Variants in CDC123 observed in about 807,000 individuals in gnomAD.
CDC123 encodes the protein translation initiation factor eIF2 assembly protein.
Under a neutral mutation model 54.4 loss-of-function variants are expected in CDC123, and 37 were observed. The ratio of observed to expected loss-of-function variants is 0.68; its 90% CI spans 0.52 to 0.89. The LOEUF (loss-of-function observed/expected upper bound fraction) is 0.89, where lower values mean the gene tolerates loss of function less well. Among genes scored for constraint, CDC123 ranks in the 40% least tolerant of loss-of-function variants. The pLI is 0.00. For missense variants in CDC123, 361 were observed against 412.1 expected (o/e 0.88, Z 1.07); for synonymous variants, 144 against 136.8 (o/e 1.05, Z -0.37).
chr10:12,220,297 G>A (rs1185220530), intron 6 of CDC123, among the ~76,000 whole-genome samples: 1 of 152,116 alleles, frequency 6.6e-6, no homozygotes, highest in African/African-American at 2.4e-5. Flanking sequence ...GCTACGTCTT[G>A]CTTTTTATCT....
intron 8 of CDC123, 93 bp downstream of exon 8, chr10:12,235,216 C>A: frequency 9.8e-7 from 1 of 1,021,272 alleles, no homozygotes; most frequent in Non-Finnish European, 1.5e-6. Flanking sequence ...GTAATTAGGA[C>A]AGGGATGTCA....
intron 6 of CDC123, among the ~76,000 whole-genome samples, chr10:12,228,415 T>C (rs986008943): frequency 1.3e-5 from 2 of 151,860 alleles, no homozygotes; most frequent in African/African-American, 4.8e-5. Context: ...TTTAGTTTTT[T>C]TTTTTTTTGA....
chr10:12,234,604 A>G (rs537391560), intron 7 of CDC123, among the ~76,000 whole-genome samples: 1 of 151,974 alleles, frequency 6.6e-6, no homozygotes, highest in African/African-American at 2.4e-5. Context: ...TTGTGACTAC[A>G]TTCTTGGTGG....
rs578008488 is a variant in CDC123 at position 12,250,000 on chromosome 10, G to C, written c.984+282G>C. The C allele has an allele frequency of 6.9e-4, 336 of 488,136 alleles. 1 individual carries two copies. Among genetic ancestry groups the C allele is most frequent in the Non-Finnish European group, 1.0e-3 (282 of 280,696 alleles). The allele number at this position is 488,136 out of a possible 1,614,324, so 30.2% of individuals were successfully genotyped here. The stretch of plus-strand genomic sequence containing the variant: ...AAGAAAGTGTGTATATTGTTAGAAG[G>C]CTGTAAGGAGAGCAGGTCTCTGCTC... On this transcript the variant is annotated intron_variant, in intron 12 of 12. Transcript: ENST00000281141.
Position 12,213,966 on chromosome 10 carries a change from T to G in CDC123, c.238-1774T>G, listed in dbSNP as rs80038468. On this transcript the variant is annotated intron_variant, in intron 4 of 12. Transcript: ENST00000281141. ...ACCTAGAATTTGCCAAGTTGTAAAGTAGCTCACAGACCTGGCTAAAAACAG... is the reference window on the plus strand; with the variant it reads ...ACCTAGAATTTGCCAAGTTGTAAAGGAGCTCACAGACCTGGCTAAAAACAG... Among the ~76,000 whole-genome samples, 820 of 152,332 alleles carry G rather than the reference T, an allele frequency of 5.4e-3. 26 individuals are homozygous for G. The East Asian group carries it at 0.075, about 14-fold the overall frequency.
chr10:12,200,825 C>G (rs1040951688), intron 2 of CDC123, among the ~76,000 whole-genome samples: 1 of 151,980 alleles, frequency 6.6e-6, no homozygotes, highest in Non-Finnish European at 1.5e-5. Context: ...TCCTACTACT[C>G]GGGAAGCCGA....
intron 6 of CDC123, among the ~76,000 whole-genome samples, chr10:12,225,746 C>CTTTTTTTTTTTTTTTT (rs60404885): frequency 3.0e-5 from 2 of 66,928 alleles, no homozygotes; most frequent in African/African-American, 7.1e-5. Flanking sequence ...TAGCTTCTCT[C>CTTTTTTTTTTTTTTTT]TTTTTTTTTT....
chr10:12,249,864 T>G (rs1836217164), intron 12 of CDC123, 146 bp downstream of exon 12: 1 of 1,068,278 alleles, frequency 9.4e-7, no homozygotes, highest in Non-Finnish European at 1.3e-6. Context: ...GAGCATTTTC[T>G]AATTAAATAT....
intron 2 of CDC123, among the ~76,000 whole-genome samples, chr10:12,204,818 C>A (rs1253216409): frequency 6.6e-6 from 1 of 151,860 alleles, no homozygotes; most frequent in Admixed American, 6.6e-5. Flanking sequence ...CATGGTGAAA[C>A]CCCGTCTCAA....
chr10:12,249,958 A>G (rs1194977551), intron 12 of CDC123: 10 of 517,290 alleles, frequency 1.9e-5, no homozygotes, highest in African/African-American at 5.8e-5. Flanking sequence ...ACATTTTTCA[A>G]AATACTTGTA....
intron 2 of CDC123, among the ~76,000 whole-genome samples, chr10:12,206,939 AC>A (rs1835530696): frequency 1.4e-5 from 2 of 147,470 alleles, no homozygotes; most frequent in South Asian, 4.4e-4. Context: ...AGCGTGGGCA[AC>A]AGAGCGAGAC....
intron 2 of CDC123, among the ~76,000 whole-genome samples, chr10:12,205,862 G>A (rs892273504): frequency 9.9e-5 from 15 of 151,610 alleles, no homozygotes; most frequent in African/African-American, 3.4e-4. Flanking sequence ...GCAGGGGCAC[G>A]ATCTTGGCCC....
At chr10:12,241,330 G>A (rs1242433688) in intron 10 of CDC123, among the ~76,000 whole-genome samples, 1 of 151,970 alleles carries the variant, frequency 6.6e-6, no homozygotes, top group Non-Finnish European at 1.5e-5. Context: ...TCCTGTGAAC[G>A]AGATCACATA....
intron 2 of CDC123, among the ~76,000 whole-genome samples, chr10:12,200,198 C>T (rs1185753205): frequency 1.4e-5 from 2 of 140,708 alleles, no homozygotes; most frequent in African/African-American, 5.3e-5. Context: ...TCAATCTCAG[C>T]TCACTGCAAT....
At chr10:12,215,908 T>G in intron 5 of CDC123, 73 bp downstream of exon 5, 2 of 876,600 alleles carry the variant, frequency 2.3e-6, no homozygotes, top group South Asian at 3.4e-5. Context: ...TTCATATCCC[T>G]ACAGAGGGTC....
intron 11 of CDC123, among the ~76,000 whole-genome samples, chr10:12,248,421 A>C (rs905490068): frequency 6.6e-6 from 1 of 151,492 alleles, no homozygotes; most frequent in African/African-American, 2.4e-5. Flanking sequence ...AGGCAGGAGA[A>C]TTGCTTGAAC....
At chr10:12,235,597 ACTGTTCTGTTTGCT>A (rs1835968697) in intron 8 of CDC123, among the ~76,000 whole-genome samples, 1 of 152,198 alleles carries the variant, frequency 6.6e-6, no homozygotes, top group South Asian at 2.1e-4. Context: ...CTCTCAGGTT[ACTGTTCTGTTTGCT>A]ATGATTGATT....
intron 7 of CDC123, among the ~76,000 whole-genome samples, chr10:12,234,747 A>C (rs1027049467): frequency 2.0e-5 from 3 of 151,060 alleles, no homozygotes; most frequent in Non-Finnish European, 4.4e-5. Context: ...TCTCATGTGA[A>C]GAATTTTTTT....
At chr10:12,250,236 A>G in intron 12 of CDC123, 75 bp from the exon 13 acceptor site, 3 of 888,614 alleles carry the variant, frequency 3.4e-6, no homozygotes, top group Non-Finnish European at 5.2e-6. Flanking sequence ...CAAGACCTCT[A>G]GAAAATTACA....
Sources: allele counts gnomAD v4.1 joint callset (sites outside exome capture counted in the v4.1 genomes callset), GRCh38; gene constraint gnomAD v4.1.1; transcripts MANE v1.5; gene names NCBI Gene and HGNC (gene_info 2026-07-23, HGNC 2026-07-21).